RGS9: variants seen among roughly 807,000 people sequenced by gnomAD.
The protein encoded by RGS9 is regulator of G-protein signalling 9.
A neutral mutation model predicts 102.0 loss-of-function variants in RGS9; 78 were observed. The ratio of observed to expected loss-of-function variants is 0.76; its 90% CI spans 0.64 to 0.92. The LOEUF (loss-of-function observed/expected upper bound fraction) is 0.92. RGS9 is among the 40% of genes least tolerant of loss of function. The pLI, the probability that RGS9 is intolerant of heterozygous loss-of-function variation, is 0.00. For missense variants in RGS9, 833 were observed against 866.1 expected (o/e 0.96, Z 0.48); for synonymous variants, 353 against 318.6 (o/e 1.11, Z -1.15).
chr17:65,189,556 G>A (rs1912277888), intron 10 of RGS9, among the ~76,000 whole-genome samples: 1 of 152,232 alleles, frequency 6.6e-6, no homozygotes, highest in Admixed American at 6.5e-5. Flanking sequence ...GAGCTGAGGG[G>A]TGGCCAGAGA....
intron 17 of RGS9, among the ~76,000 whole-genome samples, chr17:65,213,204 G>T (rs9914790): frequency 6.6e-6 from 1 of 151,940 alleles, no homozygotes; most frequent in Non-Finnish European, 1.5e-5. Context: ...TGGAATGGGA[G>T]GAAAATTAGG....
intron 1 of RGS9, among the ~76,000 whole-genome samples, chr17:65,152,287 G>A (rs554056720): frequency 5.3e-5 from 8 of 152,310 alleles, no homozygotes; most frequent in African/African-American, 1.4e-4. Context: ...GGGGAAGGAA[G>A]GTGGCCAGTG....
intron 9 of RGS9, chr17:65,179,923 G>C (rs565077602): frequency 6.6e-6 from 1 of 152,258 alleles, no homozygotes; most frequent in Non-Finnish European, 1.5e-5. Context: ...CTTTGCCATG[G>C]TGGGGTGTGA....
In RGS9 at chr17:65,137,431, TC is replaced by T; in HGVS notation, c.-106del. The T allele has an allele frequency of 8.9e-7, 1 of 1,117,852 alleles. No individual in the cohort carries two copies. The highest frequency in any genetic ancestry group is 1.3e-6 in the Non-Finnish European group (1 of 745,320). The allele number at this position is 1,117,852 out of a possible 1,614,324, so 69.2% of individuals were successfully genotyped here. ...CCCGCGCCCTCCCCGCCCAGCCGCC[TC>T]CCCGTCGACGCCCAGGGCTGGGGCG... On this transcript the variant is annotated 5_prime_UTR_variant, in exon 1 of 19. Coordinates refer to ENST00000262406, the MANE Select transcript of RGS9 (RefSeq NM_003835.4).
intron 8 of RGS9, among the ~76,000 whole-genome samples, chr17:65,171,014 G>C (rs1354893368): frequency 6.6e-6 from 1 of 152,154 alleles, no homozygotes; most frequent in Admixed American, 6.5e-5. Context: ...CTGTCTCCAG[G>C]AGACCCAAAC....
chr17:65,225,685 A>G (rs1169344392), intron 18 of RGS9, 199 bp downstream of exon 18: 3 of 662,300 alleles, frequency 4.5e-6, no homozygotes, highest in Non-Finnish European at 7.7e-6. Flanking sequence ...AGGGAGAAGG[A>G]ACAGGTGTCC....
At chr17:65,194,403 G>T (rs772926348) in intron 12 of RGS9, among the ~76,000 whole-genome samples, 1 of 152,058 alleles carries the variant, frequency 6.6e-6, no homozygotes, top group East Asian at 1.9e-4. Flanking sequence ...CATTTCTCTC[G>T]GGTGTATATC....
intron 9 of RGS9, chr17:65,180,087 C>A (rs1911811462): frequency 6.6e-6 from 1 of 152,234 alleles, no homozygotes; most frequent in South Asian, 2.1e-4. Flanking sequence ...CATGCAGAGC[C>A]CCTTCCAGCC....
In RGS9 at chr17:65,225,475, G is replaced by C; in HGVS notation, c.1881G>C (p.Lys627Asn). 1.9e-6 allele frequency: 3 copies of C among 1,602,820 alleles called. No homozygotes were observed. Among genetic ancestry groups the C allele is most frequent in the Non-Finnish European group, 2.5e-6 (3 of 1,179,988 alleles). Residue 627 changes from lysine to asparagine, a missense_variant, in exon 18 of 19, where the codon AAG becomes AAC. Physicochemically the swap from Lys to Asn is moderately conservative, Grantham distance 94. Coordinates refer to ENST00000262406, the MANE Select transcript of RGS9 (RefSeq NM_003835.4). ...VGQQLPRLKSKRVANFFQIKM... is the reference protein window; with the variant it reads ...VGQQLPRLKSNRVANFFQIKM... ...AGCAGCTGCCACGATTGAAATCCAA[G>C]AGAGTAGCAAAGTAAGAACCCGAAG...
chr17:65,143,868 G>A (rs1370821672), intron 1 of RGS9, among the ~76,000 whole-genome samples: 1 of 151,768 alleles, frequency 6.6e-6, no homozygotes, highest in African/African-American at 2.4e-5. Flanking sequence ...TGCTAAAGTG[G>A]GAGGATCACT....
chr17:65,210,185 C>A (rs1485824654), intron 16 of RGS9, among the ~76,000 whole-genome samples: 1 of 152,138 alleles, frequency 6.6e-6, no homozygotes, highest in Non-Finnish European at 1.5e-5. Context: ...GAAGATGTTA[C>A]AAAAAGTTAA....
At chr17:65,141,503 C>T (rs373894030) in intron 1 of RGS9, among the ~76,000 whole-genome samples, 7 of 152,268 alleles carry the variant, frequency 4.6e-5, no homozygotes, top group Admixed American at 6.5e-5. Flanking sequence ...ATATCCAGGC[C>T]GAGTTTGGTA....
At chr17:65,172,247 G>A (rs895103760) in intron 8 of RGS9, among the ~76,000 whole-genome samples, 13 of 152,108 alleles carry the variant, frequency 8.5e-5, no homozygotes, top group African/African-American at 2.2e-4. Context: ...ACAGAGTCTC[G>A]CTCTGGGGTG....
chr17:65,169,146 A>G (rs1309561702), intron 8 of RGS9, among the ~76,000 whole-genome samples: 1 of 152,208 alleles, frequency 6.6e-6, no homozygotes, highest in Non-Finnish European at 1.5e-5. Flanking sequence ...GCCTGGTGTC[A>G]GAGTTTATGG....
intron 1 of RGS9, among the ~76,000 whole-genome samples, chr17:65,151,124 C>A (rs1205258347): frequency 6.6e-6 from 1 of 152,110 alleles, no homozygotes; most frequent in East Asian, 1.9e-4. Context: ...GCAGGTGGAT[C>A]ACTTGAGGTC....
chr17:65,188,229 A>C (rs1019173764), intron 9 of RGS9, among the ~76,000 whole-genome samples: 2 of 152,212 alleles, frequency 1.3e-5, no homozygotes, highest in African/African-American at 2.4e-5. Context: ...AATGGTTTCC[A>C]GGAGCTTCTA....
rs114144558 is a variant in RGS9, at chr17:65,174,010, C to T, written c.583-3722C>T. 6.9e-3 allele frequency among the ~76,000 whole-genome samples: 1,046 copies of T among 152,288 alleles called. 9 individuals are homozygous for T. The highest frequency in any genetic ancestry group is 0.024 in the African/African-American group (978 of 41,548). On this transcript the variant is annotated intron_variant, in intron 8 of 18. Transcript: ENST00000262406. ...GTGCAAGAGCCGAGGCAGCAGTGGC[C>T]AGAGGACTGTGCCTGGCTGTTCTGT...
At chr17:65,148,429 C>T (rs1910451964) in intron 1 of RGS9, among the ~76,000 whole-genome samples, 1 of 152,086 alleles carries the variant, frequency 6.6e-6, no homozygotes, top group South Asian at 2.1e-4. Flanking sequence ...GGGTACATAC[C>T]CAGAAGTGGT....
At chr17:65,206,406 G>A (rs550898992) in intron 15 of RGS9, among the ~76,000 whole-genome samples, 4 of 152,270 alleles carry the variant, frequency 2.6e-5, no homozygotes, top group Non-Finnish European at 4.4e-5. Flanking sequence ...TCGGCTGGGC[G>A]CAGTGGCTCA....
Sources: allele counts gnomAD v4.1 joint callset (sites outside exome capture counted in the v4.1 genomes callset), GRCh38; gene constraint gnomAD v4.1.1; transcripts MANE v1.5; gene names NCBI Gene and HGNC (gene_info 2026-07-23, HGNC 2026-07-21).